Variants in EGF observed in about 807,000 individuals in gnomAD.
EGF encodes epidermal growth factor.
In EGF, 95 loss-of-function variants were observed where a neutral mutation model predicts 143.8. That is an observed-to-expected ratio of 0.66 (90% confidence interval 0.56 to 0.78). EGF has a LOEUF of 0.78. Ranked by LOEUF, EGF falls within the 30% of genes least tolerant of loss-of-function variation. The pLI is 0.00. For missense variants in EGF, 1,320 were observed against 1,470.9 expected, an observed-to-expected ratio of 0.90 and a Z score of 1.68; for synonymous variants, 510 against 510.5, an observed-to-expected ratio of 1.00 and a Z score of 0.01.
chr4:109,994,188 GC>G (rs1297859651), intron 19 of EGF, among the ~76,000 whole-genome samples: 2 of 152,216 alleles, frequency 1.3e-5, no homozygotes, highest in Admixed American at 6.5e-5. Context: ...ATTTTGGCAT[GC>G]CCTCTGTTAC....
In EGF at chr4:109,996,851, G is replaced by A. The variant is rs535671233; in HGVS notation, c.3005+1971G>A. Reference sequence around the variant, plus strand: ...CTCCAAACCTTCTGGGCTCAGAGGAGGTCCTCGTTCATTCTGTCTTTCAGC... The same window carrying A: ...CTCCAAACCTTCTGGGCTCAGAGGAAGTCCTCGTTCATTCTGTCTTTCAGC... On this transcript the variant is annotated intron_variant, in intron 20 of 23. Coordinates refer to ENST00000265171, the MANE Select transcript of EGF (RefSeq NM_001963.6). 1.2e-4 allele frequency among the ~76,000 whole-genome samples: 18 copies of A among 152,150 alleles called. No individual in the cohort carries two copies. The East Asian group carries it at 1.3e-3, about 11-fold the overall frequency.
chr4:109,941,786 G>A (rs541473542), intron 2 of EGF, among the ~76,000 whole-genome samples: 2 of 151,962 alleles, frequency 1.3e-5, no homozygotes, highest in Admixed American at 6.6e-5. Context: ...CTTGCACTCC[G>A]CAAAAAAAAT....
intron 5 of EGF, 102 bp from the exon 6 acceptor site, chr4:109,959,210 G>A: frequency 6.4e-7 from 1 of 1,560,888 alleles, no homozygotes; most frequent in Admixed American, 1.8e-5. Flanking sequence ...TGCAGCTGTA[G>A]ACGTTGTAGG....
At position 109,919,540 on chromosome 4, in the gene EGF, G is replaced by A. The variant is rs76740618; in HGVS notation, c.127+6078G>A. 0.013 allele frequency among the ~76,000 whole-genome samples: 1,984 copies of A among 152,200 alleles called. 209 individuals are homozygous for A. The East Asian group carries it at 0.23, about 18-fold the overall frequency. ...GTCTGGTCATGGCCAGTGATTGTGA[G>A]TTATACTATAGGTTGTCCTCCTCCC... is the stretch of plus-strand genomic sequence containing the variant. On this transcript the variant is annotated intron_variant, in intron 1 of 23. Coordinates refer to ENST00000265171, the MANE Select transcript of EGF (RefSeq NM_001963.6).
At chr4:109,932,286 T>C (rs1739846587) in intron 1 of EGF, among the ~76,000 whole-genome samples, 1 of 149,204 alleles carries the variant, frequency 6.7e-6, no homozygotes, top group Non-Finnish European at 1.5e-5. Flanking sequence ...CATTATGTGG[T>C]AAGGAATATT....
At chr4:109,970,687 G>GC (rs1230956683) in intron 11 of EGF, among the ~76,000 whole-genome samples, 1 of 151,844 alleles carries the variant, frequency 6.6e-6, no homozygotes, top group East Asian at 1.9e-4. Context: ...TTAGCCGGGC[G>GC]GGTGGTGGGC....
At chr4:109,979,558 C>T (rs1489365564) in intron 13 of EGF, among the ~76,000 whole-genome samples, 1 of 152,028 alleles carries the variant, frequency 6.6e-6, no homozygotes, top group Non-Finnish European at 1.5e-5. Context: ...TTGATCTACC[C>T]CTTATTACTG....
chr4:110,007,052 G>GT (rs1408743496), intron 22 of EGF, among the ~76,000 whole-genome samples: 2 of 152,222 alleles, frequency 1.3e-5, no homozygotes, highest in Middle Eastern at 3.2e-3. Flanking sequence ...TCTTTAAACA[G>GT]TGGGTTGCGT....
At chr4:109,944,401 T>A (rs11568909) in intron 4 of EGF, among the ~76,000 whole-genome samples, 25 of 152,326 alleles carry the variant, frequency 1.6e-4, no homozygotes, top group Admixed American at 1.6e-3. Flanking sequence ...ATCGTGCCAC[T>A]GCACTCCAGC....
At chr4:109,935,599 G>A (rs910840295) in intron 1 of EGF, among the ~76,000 whole-genome samples, 49 of 152,278 alleles carry the variant, frequency 3.2e-4, no homozygotes, top group Admixed American at 2.3e-3. Flanking sequence ...TGTTGAATAG[G>A]AGTGGTGAGA....
At chr4:109,993,948 C>G (rs922305390) in intron 19 of EGF, among the ~76,000 whole-genome samples, 9 of 152,014 alleles carry the variant, frequency 5.9e-5, no homozygotes, top group Admixed American at 3.9e-4. Context: ...GGGGGTCTTT[C>G]CCATCACTGC....
chr4:109,998,492 T>G (rs767006031), intron 20 of EGF, among the ~76,000 whole-genome samples: 4 of 152,240 alleles, frequency 2.6e-5, no homozygotes, highest in African/African-American at 4.8e-5. Context: ...TACAAACTCC[T>G]TGAGCCTCAG....
At chr4:109,972,082 C>T (rs1461589623) in intron 11 of EGF, among the ~76,000 whole-genome samples, 1 of 151,942 alleles carries the variant, frequency 6.6e-6, no homozygotes, top group Non-Finnish European at 1.5e-5. Flanking sequence ...TGTTGATGGA[C>T]ACCTCTTACC....
chr4:110,002,065 T>G (rs1232406188), intron 21 of EGF: 1 of 983,740 alleles, frequency 1.0e-6, no homozygotes, highest in African/African-American at 1.7e-5. Context: ...GCTCTAACAT[T>G]GAGTTTTTAA....
rs375461228 is a variant in EGF, at chr4:109,961,926, G to T, written c.1253G>T (p.Gly418Val). 10 of 1,613,812 alleles carry T rather than the reference G, an allele frequency of 6.2e-6. No homozygotes were observed. Among genetic ancestry groups the T allele is most frequent in the African/African-American group, 4.0e-5 (3 of 74,890 alleles). ...CATGACTGTGTTCTGACATCAGAAG[G>T]TCCCTTATGTTTCTGTCCTGAAGGC... ...CSHDCVLTSE[G>V]PLCFCPEGSV... Residue 418 changes from glycine to valine, a missense_variant, in exon 8 of 24, where the codon GGT (glycine) becomes GTT (valine). Gly to Val is a moderately radical substitution (Grantham distance 109). Around this residue, in one of 5 missense-constraint regions of EGF, gnomAD observed 1,186 missense variants for 1,313.7 expected, o/e 0.90. Coordinates refer to ENST00000265171, the MANE Select transcript of EGF (RefSeq NM_001963.6).
At chr4:109,994,648 A>G (rs1662833267) in intron 19 of EGF, 85 bp from the exon 20 acceptor site, 2 of 1,463,380 alleles carry the variant, frequency 1.4e-6, no homozygotes, top group Non-Finnish European at 9.5e-7. Flanking sequence ...GTCACAAACT[A>G]TTCACAGAAA....
At chr4:109,981,585 A>G (rs969695382) in intron 15 of EGF, among the ~76,000 whole-genome samples, 1 of 152,230 alleles carries the variant, frequency 6.6e-6, no homozygotes, top group Admixed American at 6.5e-5. Context: ...TCATCCCTTG[A>G]TATCTTTCTA....
At chr4:109,933,388 C>G (rs3822288) in intron 1 of EGF, among the ~76,000 whole-genome samples, 4 of 151,658 alleles carry the variant, frequency 2.6e-5, no homozygotes, top group Admixed American at 6.6e-5. Context: ...CATAATCTTA[C>G]AGTTCTCCCA....
Position 109,999,716 on chromosome 4 carries a change from C to T in EGF, c.3043C>T (p.Arg1015Ter), listed in dbSNP as rs764618186. ...CTACATCGGGGAGCGATGTCAGTACCGAGACCTGAAGTGGTGGGAACTGCG... is the reference window on the plus strand; with the variant it reads ...CTACATCGGGGAGCGATGTCAGTACTGAGACCTGAAGTGGTGGGAACTGCG... ...VGYIGERCQY[R>*]DLKWWELRHA... Residue 1015 changes from arginine to a stop codon, truncating the protein, a stop_gained, in exon 21 of 24, where the codon CGA becomes TGA. Coordinates refer to ENST00000265171, the MANE Select transcript of EGF (RefSeq NM_001963.6). LOFTEE classifies it high-confidence loss of function. 6.8e-6 allele frequency: 11 copies of T among 1,614,016 alleles called. No homozygotes were observed. The highest frequency in any genetic ancestry group is 4.4e-5 in the South Asian group (4 of 91,068).
Sources: allele counts gnomAD v4.1 joint callset (sites outside exome capture counted in the v4.1 genomes callset), GRCh38; gene constraint gnomAD v4.1.1; regional missense constraint gnomAD v4.1.1; transcripts MANE v1.5; gene names NCBI Gene and HGNC (gene_info 2026-07-23, HGNC 2026-07-21).